The following ZZZ3 variants were observed in gnomAD, a reference collection of about 807,000 sequenced individuals.
The protein encoded by ZZZ3 is ZZ-type zinc finger-containing protein 3.
In ZZZ3, 22 loss-of-function variants were observed where a neutral mutation model predicts 95.2. That is an observed-to-expected ratio of 0.23 (90% CI 0.17 to 0.33). The LOEUF (loss-of-function observed/expected upper bound fraction) is 0.33. Ranked by LOEUF, ZZZ3 falls within the 10% of genes least tolerant of loss-of-function variation. The pLI, the probability that ZZZ3 is intolerant of heterozygous loss-of-function variation, is 1.00. For missense variants in ZZZ3, 885 were observed against 1,066.5 expected (o/e 0.83, Z 2.37); for synonymous variants, 335 against 358.9 (o/e 0.93, Z 0.75).
At chr1:77,580,908 G>C in intron 9 of ZZZ3, 90 bp downstream of exon 9, 2 of 1,098,254 alleles carry the variant, frequency 1.8e-6, no homozygotes, top group Non-Finnish European at 2.8e-6. Flanking sequence ...TTACAGGCGT[G>C]AGCCACTGGA....
At chr1:77,647,323 G>GA (rs1669374369) in intron 1 of ZZZ3, among the ~76,000 whole-genome samples, 1 of 152,076 alleles carries the variant, frequency 6.6e-6, no homozygotes, top group African/African-American at 2.4e-5. Context: ...GTTCAAAACC[G>GA]GCCTAGCCAA....
At chr1:77,663,577 C>T (rs766948398) in intron 1 of ZZZ3, among the ~76,000 whole-genome samples, 10 of 152,306 alleles carry the variant, frequency 6.6e-5, no homozygotes, top group African/African-American at 1.4e-4. Context: ...ATAAGGCCAA[C>T]ATTGTAAATG....
intron 5 of ZZZ3, among the ~76,000 whole-genome samples, chr1:77,592,287 T>C (rs1663778980): frequency 6.6e-6 from 1 of 152,116 alleles, no homozygotes; most frequent in Non-Finnish European, 1.5e-5. Flanking sequence ...AGATAATCCA[T>C]AAGTAATTTT....
intron 1 of ZZZ3, among the ~76,000 whole-genome samples, chr1:77,651,973 AC>A (rs1170357285): frequency 6.0e-5 from 9 of 149,984 alleles, no homozygotes; most frequent in African/African-American, 2.2e-4. Context: ...CCAAGATTAC[AC>A]CACTGCACTC....
chr1:77,596,853 G>A (rs558660440), intron 5 of ZZZ3, among the ~76,000 whole-genome samples: 1 of 152,228 alleles, frequency 6.6e-6, no homozygotes, highest in South Asian at 2.1e-4. Flanking sequence ...TGATCCATGT[G>A]GTGATGGATT....
At chr1:77,599,352 T>G (rs1404704793) in intron 5 of ZZZ3, among the ~76,000 whole-genome samples, 1 of 152,042 alleles carries the variant, frequency 6.6e-6, no homozygotes, top group African/African-American at 2.4e-5. Flanking sequence ...AAATATTTAT[T>G]GAATATACAT....
At chr1:77,577,433 CTA>C (rs1431227722) in intron 11 of ZZZ3, among the ~76,000 whole-genome samples, 1 of 152,168 alleles carries the variant, frequency 6.6e-6, no homozygotes, top group Non-Finnish European at 1.5e-5. Flanking sequence ...CTCTACAAAT[CTA>C]CACAGGTTGT....
intron 12 of ZZZ3, among the ~76,000 whole-genome samples, chr1:77,571,289 T>TA (rs1661359685): frequency 6.6e-6 from 1 of 151,688 alleles, no homozygotes; most frequent in African/African-American, 2.4e-5. Context: ...ACTGAAAAAA[T>TA]AAATAAATAA....
chr1:77,683,233 CTCACCACGTG>C (rs1672976518), upstream of ZZZ3: 1 of 149,274 alleles, frequency 6.7e-6, no homozygotes, highest in African/African-American at 2.5e-5. Context: ...GTGTCTGGCC[CTCACCACGTG>C]TCCCGAGCTC....
chr1:77,594,767 A>G (rs1307254237), intron 5 of ZZZ3, among the ~76,000 whole-genome samples: 1 of 151,958 alleles, frequency 6.6e-6, no homozygotes, highest in African/African-American at 2.4e-5. Context: ...AGCAAATACT[A>G]TAGATTAAAA....
chr1:77,588,617 A>C (rs914980838), intron 5 of ZZZ3, among the ~76,000 whole-genome samples: 34 of 152,318 alleles, frequency 2.2e-4, no homozygotes, highest in African/African-American at 6.3e-4. Flanking sequence ...ATTTAAAAGA[A>C]ATTCAAGCAC....
At chr1:77,588,954 A>G (rs192252838) in intron 5 of ZZZ3, among the ~76,000 whole-genome samples, 2 of 152,316 alleles carry the variant, frequency 1.3e-5, no homozygotes, top group East Asian at 3.9e-4. Context: ...ATCATGGCTC[A>G]ATGCAGCCTC....
chr1:77,577,350 C>A lies in ZZZ3; in HGVS notation c.2179-1130G>T, dbSNP rs982657058. 2.6e-5 allele frequency among the ~76,000 whole-genome samples: 4 copies of A among 152,188 alleles called. No homozygotes were observed. In the East Asian group the frequency reaches 5.8e-4, roughly 22 times the overall value. ...TCTATAAAATTAGCTTAGAAATTAA[C>A]CATGAAAATAAGAGCTCTTACATTA... is the stretch of plus-strand genomic sequence containing the variant. On this transcript the variant is annotated intron_variant, in intron 11 of 14. Transcript: ENST00000370801.
chr1:77,580,821 T>C (rs950737323), intron 9 of ZZZ3, 177 bp downstream of exon 9: 11 of 539,392 alleles, frequency 2.0e-5, no homozygotes, highest in African/African-American at 1.9e-4. Context: ...TAGTAGGGTT[T>C]CACCATGTTG....
intron 1 of ZZZ3, among the ~76,000 whole-genome samples, chr1:77,643,005 A>G (rs935651782): frequency 6.6e-6 from 1 of 152,070 alleles, no homozygotes; most frequent in African/African-American, 2.4e-5. Context: ...TGAGCCTAGG[A>G]GTTTGAAACC....
intron 5 of ZZZ3, among the ~76,000 whole-genome samples, chr1:77,608,395 T>A (rs1665461038): frequency 6.6e-6 from 1 of 152,298 alleles, no homozygotes; most frequent in East Asian, 1.9e-4. Flanking sequence ...CCTAGAATAG[T>A]ATATGCAGTG....
At position 77,632,263 on chromosome 1, in the gene ZZZ3, T is replaced by G. The variant is rs1169110196; in HGVS notation, c.1092A>C (p.Gln364His). ...PSPVLDCVSA[Q>H]MMSLSEPQEH... Reference sequence around the variant, plus strand: ...CTTGAGGTTCTGATAAAGACATCATTTGAGCTGAAACACAGTCTAGAACAG... The same window carrying G: ...CTTGAGGTTCTGATAAAGACATCATGTGAGCTGAAACACAGTCTAGAACAG... The change falls in exon 5 of 15, where the codon CAA becomes CAC. Residue 364 changes from glutamine (Q) to histidine (H), a missense_variant. By Grantham distance (24) the Gln-to-His change is conservative. Coordinates refer to ENST00000370801, the MANE Select transcript of ZZZ3 (RefSeq NM_015534.6). 1 of 1,614,006 alleles carries G rather than the reference T, an allele frequency of 6.2e-7. No homozygotes were observed. The highest frequency in any genetic ancestry group is 8.5e-7 in the Non-Finnish European group (1 of 1,180,030).
chr1:77,625,327 A>T (rs905373652), intron 5 of ZZZ3, among the ~76,000 whole-genome samples: 1 of 152,198 alleles, frequency 6.6e-6, no homozygotes, highest in Non-Finnish European at 1.5e-5. Flanking sequence ...ACAATCAAAC[A>T]TCCCACACAC....
At chr1:77,633,854 T>C (rs952837896) in intron 4 of ZZZ3, among the ~76,000 whole-genome samples, 6 of 152,198 alleles carry the variant, frequency 3.9e-5, no homozygotes, top group Non-Finnish European at 5.9e-5. Flanking sequence ...ATCCTAAAGA[T>C]GTGATTTCAT....
Sources: gnomAD v4.1 joint callset for allele counts (sites outside exome capture counted in the v4.1 genomes callset) on GRCh38, gnomAD v4.1.1 for gene constraint, MANE v1.5 for transcripts, NCBI Gene and HGNC (gene_info 2026-07-23, HGNC 2026-07-21) for gene names.